AGXT2: variants seen among roughly 807,000 people sequenced by gnomAD.
AGXT2 encodes the protein alanine--glyoxylate aminotransferase 2.
Under a neutral mutation model 62.5 loss-of-function variants are expected in AGXT2, and 61 were observed. That is an observed-to-expected ratio of 0.98 (90% CI 0.79 to 1.21). The LOEUF (loss-of-function observed/expected upper bound fraction) is 1.21, where lower values mean the gene tolerates loss of function less well. Ranked by LOEUF, AGXT2 falls within the 50% of genes most tolerant of loss-of-function variation. The pLI, the probability that AGXT2 is intolerant of heterozygous loss-of-function variation, is 0.00. For missense variants in AGXT2, 666 were observed against 641.5 expected (o/e 1.04, Z -0.41); for synonymous variants, 243 against 218.7 (o/e 1.11, Z -0.98).
chr5:35,043,418 CATAT>C (rs1768062228), intron 1 of AGXT2, among the ~76,000 whole-genome samples: 2 of 152,216 alleles, frequency 1.3e-5, no homozygotes, highest in South Asian at 4.2e-4. Context: ...GCCCAATGCT[CATAT>C]AATGTGTGAA....
At chr5:35,017,879 G>A (rs1251250692) in intron 9 of AGXT2, among the ~76,000 whole-genome samples, 2 of 152,182 alleles carry the variant, frequency 1.3e-5, no homozygotes, top group African/African-American at 2.4e-5. Context: ...AGTGCTTAAA[G>A]GAGCTGATGG....
rs1369077016 is a variant in AGXT2, at chr5:35,026,321, T to C, written c.870+89A>G. 8 of 1,085,016 alleles carry C rather than the reference T, an allele frequency of 7.4e-6. No homozygotes were observed. In the East Asian group the frequency reaches 2.0e-4, roughly 26 times the overall value. 67.2% of individuals were successfully genotyped at this position (1,085,016 alleles called of 1,614,324 possible). ...AGAGAGGGACACAGTGAGCACTTAA[T>C]TCATTTGGAATTCTCTAGAATATAT... is the stretch of plus-strand genomic sequence containing the variant. On this transcript the variant is annotated intron_variant, in intron 8 of 13. Coordinates refer to ENST00000231420, the MANE Select transcript of AGXT2 (RefSeq NM_031900.4).
At chr5:35,046,671 C>T (rs1277723118) in intron 1 of AGXT2, among the ~76,000 whole-genome samples, 1 of 151,968 alleles carries the variant, frequency 6.6e-6, no homozygotes, top group Non-Finnish European at 1.5e-5. Flanking sequence ...CAAAAAACTG[C>T]AATTTTCAGG....
chr5:35,004,056 T>A (rs1766334776), intron 12 of AGXT2, among the ~76,000 whole-genome samples, 195 bp from the exon 13 acceptor site: 1 of 152,182 alleles, frequency 6.6e-6, no homozygotes, highest in Admixed American at 6.5e-5. Flanking sequence ...TTTTGGAGGA[T>A]GTTATTTAAA....
chr5:35,005,053 T>C (rs1766372587), intron 12 of AGXT2, among the ~76,000 whole-genome samples: 1 of 152,166 alleles, frequency 6.6e-6, no homozygotes, highest in African/African-American at 2.4e-5. Flanking sequence ...TCTCATTGAC[T>C]TCAAAATGCT....
chr5:35,030,985 A>G (rs139959193), intron 7 of AGXT2, among the ~76,000 whole-genome samples: 66 of 152,372 alleles, frequency 4.3e-4, no homozygotes, highest in Non-Finnish European at 7.9e-4. Context: ...TCTCTGTTTT[A>G]CAAATGAGAA....
At chr5:35,045,616 G>T (rs1210369613) in intron 1 of AGXT2, among the ~76,000 whole-genome samples, 1 of 152,144 alleles carries the variant, frequency 6.6e-6, no homozygotes, top group African/African-American at 2.4e-5. Flanking sequence ...GTTAGTGAGT[G>T]TGTGTTTGGA....
At chr5:35,033,587 A>C (rs138574517) in intron 5 of AGXT2, 34 bp from the exon 6 acceptor site, 2 of 1,556,662 alleles carry the variant, frequency 1.3e-6, no homozygotes, top group Admixed American at 1.7e-5. Flanking sequence ...GATGGGGTCA[A>C]GTTCCTGGTC....
chr5:35,022,626 T>G, intron 9 of AGXT2, among the ~76,000 whole-genome samples: 1 of 148,774 alleles, frequency 6.7e-6, no homozygotes, highest in Non-Finnish European at 1.5e-5. Flanking sequence ...TAATGCTAGA[T>G]GACGAGTTAG....
chr5:35,031,538 G>A (rs1767557349), intron 7 of AGXT2, among the ~76,000 whole-genome samples: 1 of 152,170 alleles, frequency 6.6e-6, no homozygotes, highest in East Asian at 1.9e-4. Context: ...GTACTAAGGA[G>A]CGGCTATTAA....
At chr5:35,020,874 G>A (rs1054873186) in intron 9 of AGXT2, among the ~76,000 whole-genome samples, 16 of 152,050 alleles carry the variant, frequency 1.1e-4, no homozygotes, top group Non-Finnish European at 2.2e-4. Context: ...CTTCAGCAAA[G>A]TCTCAGGATA....
rs35852974 is a variant in AGXT2, at chr5:35,023,165, T to TA, written c.963+2597dup. ...AATAAAATTGTGGTGATGGCAGATGTAAAAAAAAAAAGAAAAAAGAAAAAA... is the reference window on the plus strand; with the variant it reads ...AATAAAATTGTGGTGATGGCAGATGTAAAAAAAAAAAAGAAAAAAGAAAAAA... On this transcript the variant is annotated intron_variant, in intron 9 of 13. Transcript: ENST00000231420. Among the ~76,000 whole-genome samples, 260 of 26,936 alleles carry TA rather than the reference T, an allele frequency of 9.7e-3. 6 individuals carry two copies. In the South Asian group the frequency reaches 0.14, roughly 15 times the overall value. 17.7% of individuals were successfully genotyped at this position (26,936 alleles called of 152,430 possible). A position where few individuals can be genotyped will look rare whatever the true frequency, so the allele number is the denominator to read the frequency against.
rs1045712356 is a variant in AGXT2, at chr5:34,998,638, G to A, written c.*81C>T. ...CTGCAGGCTTTCTCTGGATACCAGT[G>A]GTTCTGAAATTCTTCAAATTCACCC... On this transcript the variant is annotated 3_prime_UTR_variant, in exon 14 of 14. Transcript: ENST00000231420. 1 of 1,131,358 alleles carries A rather than the reference G, an allele frequency of 8.8e-7. No individual in the cohort carries two copies. The highest frequency in any genetic ancestry group is 1.3e-6 in the Non-Finnish European group (1 of 758,566). The allele number at this position is 1,131,358 out of a possible 1,614,324, so 70.1% of individuals were successfully genotyped here. A position where few individuals can be genotyped will look rare whatever the true frequency, so the allele number is the denominator to read the frequency against.
intron 7 of AGXT2, among the ~76,000 whole-genome samples, chr5:35,030,002 G>T (rs1230255441): frequency 6.6e-6 from 1 of 152,180 alleles, no homozygotes; most frequent in Non-Finnish European, 1.5e-5. Flanking sequence ...CTATCAATAG[G>T]TTAAGAGGAA....
chr5:35,005,553 CTG>C lies in AGXT2; in HGVS notation c.1339-1694_1339-1693del, dbSNP rs751208793. ...CAGGACAGTTTTGAATGGGTGGAGT[CTG>C]TGTGGCTTCACCCCGACCTTGCTCT... On this transcript the variant is annotated intron_variant, in intron 12 of 13. Transcript: ENST00000231420. Among the ~76,000 whole-genome samples the C allele has an allele frequency of 9.9e-5, 15 of 152,120 alleles. No individual in the cohort carries two copies. The East Asian group carries it at 2.9e-3, about 29-fold the overall frequency.
In AGXT2 at chr5:35,040,326, G is replaced by T. The variant is rs185080434; in HGVS notation, c.177+249C>A. 5.8e-4 allele frequency among the ~76,000 whole-genome samples: 89 copies of T among 152,300 alleles called. No individual in the cohort carries two copies. In the East Asian group the frequency reaches 0.011, roughly 19 times the overall value. Reference sequence around the variant, plus strand: ...GTACATATATTAATTATCATGTGTAGTGTGCTTCTTGTACTTTCTTTGCCT... The same window carrying T: ...GTACATATATTAATTATCATGTGTATTGTGCTTCTTGTACTTTCTTTGCCT... On this transcript the variant is annotated intron_variant, in intron 2 of 13. Transcript: ENST00000231420.
intron 7 of AGXT2, among the ~76,000 whole-genome samples, chr5:35,030,457 G>A (rs1481604222): frequency 6.6e-6 from 1 of 152,120 alleles, no homozygotes; most frequent in East Asian, 1.9e-4. Context: ...GCAGTGAGCC[G>A]AGATCGCGCC....
At position 35,025,960 on chromosome 5, in the gene AGXT2, T is replaced by C. The variant is rs558881190; in HGVS notation, c.871-105A>G. On this transcript the variant is annotated intron_variant, in intron 8 of 13. Coordinates refer to ENST00000231420, the MANE Select transcript of AGXT2 (RefSeq NM_031900.4). ...ATCATCATTATCATGACAGTAACAC[T>C]AGCAATTTTAACAACAGTCTGTAGA... The C allele has an allele frequency of 6.4e-6, 6 of 941,064 alleles. No homozygotes were observed. In the Admixed American group the frequency reaches 9.8e-5, roughly 15 times the overall value. 58.3% of individuals were successfully genotyped at this position (941,064 alleles called of 1,614,324 possible).
At chr5:35,023,692 T>C (rs1038283227) in intron 9 of AGXT2, among the ~76,000 whole-genome samples, 2 of 152,106 alleles carry the variant, frequency 1.3e-5, no homozygotes, top group Non-Finnish European at 2.9e-5. Context: ...TCGATCAGTT[T>C]GTGGGCAGAT....
Sources: allele counts gnomAD v4.1 joint callset (sites outside exome capture counted in the v4.1 genomes callset), GRCh38; gene constraint gnomAD v4.1.1; transcripts MANE v1.5; gene names NCBI Gene and HGNC (gene_info 2026-07-23, HGNC 2026-07-21).